Variants in LCP2 observed in about 807,000 individuals in gnomAD.
The protein encoded by LCP2 is lymphocyte cytosolic protein 2, also known as 76 kDa tyrosine phosphoprotein.
A neutral mutation model predicts 74.5 loss-of-function variants in LCP2; 29 were observed. The observed-to-expected ratio is 0.39, with a 90% CI of 0.29 to 0.53. The LOEUF (loss-of-function observed/expected upper bound fraction) is 0.53. LCP2 is among the 20% of genes least tolerant of loss of function. LCP2 has a pLI of 0.72. For missense variants in LCP2, 604 were observed against 634.6 expected, an observed-to-expected ratio of 0.95 and a Z score of 0.52; for synonymous variants, 228 against 229.5, an observed-to-expected ratio of 0.99 and a Z score of 0.06.
chr5:170,272,597 C>CTTTGTTT, intron 6 of LCP2, among the ~76,000 whole-genome samples: 1 of 40,342 alleles, frequency 2.5e-5, no homozygotes, highest in Non-Finnish European at 4.5e-5. Flanking sequence ...CAAATATTTT[C>CTTTGTTT]TTTTTTTTTT....
Position 170,270,854 on chromosome 5 carries a change from A to C in LCP2, c.388T>G (p.Ser130Ala). ...GGTGCCTCTTCCTCCTCATTGGGGGACTCATAGTCTCCATCATCCTCCCCA... is the reference window on the plus strand; with the variant it reads ...GGTGCCTCTTCCTCCTCATTGGGGGCCTCATAGTCTCCATCATCCTCCCCA... The part of the protein sequence containing the change: ...QDGEDDGDYE[S>A]PNEEEEAPVE... The change falls in exon 7 of 21, where the codon TCC becomes GCC. Residue 130 changes from serine (S) to alanine (A), a missense_variant. Ser to Ala is a moderately conservative substitution (Grantham distance 99). Transcript: ENST00000046794. 5 of 1,611,700 alleles carry C rather than the reference A, an allele frequency of 3.1e-6. No homozygotes were observed. Among genetic ancestry groups the C allele is most frequent in the Non-Finnish European group, 4.2e-6 (5 of 1,179,074 alleles).
At chr5:170,258,463 A>G (rs1761599647) in intron 15 of LCP2, 1 of 358,184 alleles carries the variant, frequency 2.8e-6, no homozygotes, top group South Asian at 7.5e-5. Flanking sequence ...TGTCAGCTGG[A>G]AACCTTATAA....
chr5:170,276,287 T>A (rs1031312405), intron 3 of LCP2, among the ~76,000 whole-genome samples: 1 of 152,206 alleles, frequency 6.6e-6, no homozygotes, highest in African/African-American at 2.4e-5. Context: ...TGCTGTCTTG[T>A]TCCTAAGAAT....
rs553652757 is a variant in LCP2 at position 170,267,564 on chromosome 5, C to T, written c.622-489G>A. 9.9e-5 allele frequency among the ~76,000 whole-genome samples: 15 copies of T among 152,194 alleles called. 1 individual carries two copies. The highest frequency in any genetic ancestry group is 3.4e-3 in the Middle Eastern group (1 of 294). ...CTTCCCACAACTGGCTCATTCTGTCCCAGGTCCTTGTCACCTCCCCCCCCC... is the reference window on the plus strand; with the variant it reads ...CTTCCCACAACTGGCTCATTCTGTCTCAGGTCCTTGTCACCTCCCCCCCCC... On this transcript the variant is annotated intron_variant, in intron 8 of 20. Coordinates refer to ENST00000046794, the MANE Select transcript of LCP2 (RefSeq NM_005565.5).
chr5:170,289,617 TTTTCTTTCTTTCTTTC>T (rs70979169), intron 2 of LCP2, among the ~76,000 whole-genome samples: 48 of 122,228 alleles, frequency 3.9e-4, no homozygotes, highest in South Asian at 1.1e-3. Context: ...CTTTCTTTCT[TTTTCTTTCTTTCTTTC>T]TTTCTTTCTT....
At chr5:170,258,944 T>C (rs961446821) in intron 14 of LCP2, 66 bp from the exon 15 acceptor site, 2 of 1,107,880 alleles carry the variant, frequency 1.8e-6, no homozygotes, top group African/African-American at 3.1e-5. Context: ...AAATAAAAAC[T>C]GCATTTCTCA....
At chr5:170,257,376 A>G (rs768960940) in intron 16 of LCP2, among the ~76,000 whole-genome samples, 3 of 152,202 alleles carry the variant, frequency 2.0e-5, no homozygotes, top group African/African-American at 4.8e-5. Context: ...TGGTGGGGGT[A>G]GATGAGTCTT....
At chr5:170,265,926 T>C (rs1339222687) in intron 10 of LCP2, among the ~76,000 whole-genome samples, 2 of 152,100 alleles carry the variant, frequency 1.3e-5, no homozygotes, top group Non-Finnish European at 2.9e-5. Flanking sequence ...CCTGATATGG[T>C]GGAAAAGAGC....
chr5:170,287,819 G>C (rs1581074980), intron 3 of LCP2, 151 bp downstream of exon 3: 1 of 716,334 alleles, frequency 1.4e-6, no homozygotes, highest in Non-Finnish European at 2.5e-6. Context: ...TGTAACTTCT[G>C]TTCCCCACAT....
At chr5:170,263,196 C>G (rs1281531815) in intron 10 of LCP2, among the ~76,000 whole-genome samples, 1 of 152,074 alleles carries the variant, frequency 6.6e-6, no homozygotes, top group African/African-American at 2.4e-5. Flanking sequence ...AATGGCTTGA[C>G]CATTTAATTT....
intron 2 of LCP2, among the ~76,000 whole-genome samples, chr5:170,291,002 GAGAAAGAA>G (rs1762284730): frequency 1.4e-5 from 1 of 71,264 alleles, no homozygotes. Flanking sequence ...GAAAGAAAGA[GAGAAAGAA>G]AGAGAGAAAG....
chr5:170,280,691 T>C (rs776567234), intron 3 of LCP2, among the ~76,000 whole-genome samples: 1 of 152,208 alleles, frequency 6.6e-6, no homozygotes, highest in Non-Finnish European at 1.5e-5. Context: ...ACAAGTATAA[T>C]TATTCTCATT....
Position 170,274,291 on chromosome 5 carries a change from C to T in LCP2, c.324+10G>A, listed in dbSNP as rs777323245. The T allele has an allele frequency of 6.2e-7, 1 of 1,612,898 alleles. No individual in the cohort carries two copies. Among genetic ancestry groups the T allele is most frequent in the Non-Finnish European group, 8.5e-7 (1 of 1,179,492 alleles). On this transcript the variant is annotated intron_variant, in intron 6 of 20. Transcript: ENST00000046794. ...TGTAAAGGTGCAAGAACAGCCCACA[C>T]CATACTCACAAAGGACGACCAGCCC... is the stretch of plus-strand genomic sequence containing the variant.
Position 170,256,591 on chromosome 5 carries a change from AAG to A in LCP2, c.1101-18_1101-17del. 2 of 1,602,350 alleles carry A rather than the reference AAG, an allele frequency of 1.2e-6. No individual in the cohort carries two copies. Among genetic ancestry groups the A allele is most frequent in the South Asian group, 2.2e-5 (2 of 90,822 alleles). ...ACTGCTGTTACTGAGGAGACAGAAA[AAG>A]AACAAAATTTATTTGGATTGGGGTG... On this transcript the variant is annotated splice_polypyrimidine_tract_variant and intron_variant, in intron 16 of 20. Transcript: ENST00000046794. This position sits in a 1 kb window ranked among gnomAD's most constrained non-coding sequence, Gnocchi z 4.5.
At chr5:170,274,139 A>C (rs751628336) in intron 6 of LCP2, 162 bp downstream of exon 6, 8 of 684,234 alleles carry the variant, frequency 1.2e-5, no homozygotes, top group Non-Finnish European at 1.5e-5. Context: ...AGCCAAAACT[A>C]TTTCCTGTCT....
intron 2 of LCP2, among the ~76,000 whole-genome samples, chr5:170,289,730 T>G (rs1252015071): frequency 1.4e-5 from 2 of 138,728 alleles, no homozygotes; most frequent in Non-Finnish European, 3.1e-5. Context: ...TTCCTTTCCT[T>G]TCCTGTCTTT....
chr5:170,275,009 G>A (rs1428329462), intron 5 of LCP2, among the ~76,000 whole-genome samples: 1 of 151,950 alleles, frequency 6.6e-6, no homozygotes, highest in East Asian at 1.9e-4. Context: ...AGATGCAGGG[G>A]GACTAGCTAA....
chr5:170,258,572 A>G (rs1269826007), intron 15 of LCP2: 2 of 384,484 alleles, frequency 5.2e-6, no homozygotes, highest in African/African-American at 4.1e-5. Flanking sequence ...GTGTGTTAGA[A>G]GACATAAATG....
Position 170,262,833 on chromosome 5 carries a change from C to G in LCP2, c.818+9G>C. On this transcript the variant is annotated intron_variant, in intron 12 of 20. Coordinates refer to ENST00000046794, the MANE Select transcript of LCP2 (RefSeq NM_005565.5). ...CCCATGTACCCTCATGTAGATGCAA[C>G]AGTCTTACCTTCCCGCTGGAATCGA... The G allele has an allele frequency of 6.2e-7, 1 of 1,614,056 alleles. No homozygotes were observed.
Sources: gnomAD v4.1 joint callset for allele counts (sites outside exome capture counted in the v4.1 genomes callset) on GRCh38, gnomAD v4.1.1 for gene constraint, Gnocchi (gnomAD v3.1) non-coding constraint, MANE v1.5 for transcripts, NCBI Gene and HGNC (gene_info 2026-07-23, HGNC 2026-07-21) for gene names.